The following COLEC11 variants were observed in gnomAD, a reference collection of about 807,000 sequenced individuals.
COLEC11 encodes collectin subfamily member 11.
Under a neutral mutation model 27.3 loss-of-function variants are expected in COLEC11, and 20 were observed. The ratio of observed to expected loss-of-function variants is 0.73; its 90% CI spans 0.51 to 1.06. COLEC11 has a LOEUF of 1.06. COLEC11 is among the 50% of genes least tolerant of loss of function. The pLI is 0.00. For missense variants in COLEC11, 310 were observed against 383.0 expected, an observed-to-expected ratio of 0.81 and a Z score of 1.59; for synonymous variants, 163 against 154.7, an observed-to-expected ratio of 1.05 and a Z score of -0.40.
Position 3,641,526 on chromosome 2 carries a change from GAGGAA to G in COLEC11, c.328+1201_328+1205del, listed in dbSNP as rs1198786563. 3.3e-6 allele frequency: 3 copies of G among 902,478 alleles called. No individual in the cohort carries two copies. In the African/African-American group the frequency reaches 5.3e-5, roughly 16 times the overall value. The allele number at this position is 902,478 out of a possible 1,614,324, so 55.9% of individuals were successfully genotyped here. On this transcript the variant is annotated intron_variant, in intron 5 of 6. Transcript: ENST00000349077. ...CTTGGTCAGAGTTTGGAGGTTAAAT[GAGGAA>G]AGGAATCCATCCACTTCCCCTGACA...
chr2:3,622,420 T>C (rs976449900), intron 3 of COLEC11, among the ~76,000 whole-genome samples: 9 of 152,218 alleles, frequency 5.9e-5, no homozygotes, highest in African/African-American at 2.2e-4. Context: ...TATATATGAT[T>C]TACACATAAC....
At chr2:3,607,312 GA>G (rs955710193) in intron 2 of COLEC11, among the ~76,000 whole-genome samples, 2 of 151,926 alleles carry the variant, frequency 1.3e-5, no homozygotes, top group Non-Finnish European at 2.9e-5. Context: ...CTTTTAATGG[GA>G]AAAAAGTCTT....
chr2:3,604,463 C>T lies in COLEC11; in HGVS notation c.123C>T (p.Gly41=), dbSNP rs2147855186. The change falls in exon 2 of 7, where the codon GGC becomes GGT. Residue 41 remains glycine, a synonymous_variant. Transcript: ENST00000349077. ...DACSVQILVP[G]LKGDAGEKGD... is the part of the protein sequence containing the mutation. Reference sequence around the variant, plus strand: ...GCTCTGTGCAGATCCTCGTCCCTGGCCTCAAAGGTAACCGCTCCCTGGACT... The same window carrying T: ...GCTCTGTGCAGATCCTCGTCCCTGGTCTCAAAGGTAACCGCTCCCTGGACT... 1 of 1,614,096 alleles carries T rather than the reference C, an allele frequency of 6.2e-7. No homozygotes were observed. The highest frequency in any genetic ancestry group is 8.5e-7 in the Non-Finnish European group (1 of 1,180,032).
At chr2:3,605,931 G>C in intron 2 of COLEC11, 1 of 845,430 alleles carries the variant, frequency 1.2e-6, no homozygotes, top group South Asian at 1.7e-5. Flanking sequence ...CAAGTGGACT[G>C]TCCTGCAGCC....
chr2:3,607,449 C>CTTTTTTTTTTTTTTTTTTT (rs377560723), intron 2 of COLEC11, among the ~76,000 whole-genome samples: 1 of 109,182 alleles, frequency 9.2e-6, no homozygotes. Flanking sequence ...TTTTTTTTTG[C>CTTTTTTTTTTTTTTTTTTT]TTTTTTTTTT....
chr2:3,607,708 C>T (rs1431768715), intron 2 of COLEC11, among the ~76,000 whole-genome samples: 3 of 152,176 alleles, frequency 2.0e-5, no homozygotes, highest in Non-Finnish European at 4.4e-5. Context: ...TTTGGCTTCC[C>T]AAAGTGCTGG....
intron 3 of COLEC11, among the ~76,000 whole-genome samples, chr2:3,627,317 TGAC>T (rs1455986589): frequency 9.1e-6 from 1 of 110,200 alleles, no homozygotes; most frequent in Non-Finnish European, 1.8e-5. Flanking sequence ...GGGGGCATGA[TGAC>T]GGGGGGCATG....
rs1234912102 is a variant in COLEC11, at chr2:3,602,426, G to C, written c.-26-1889G>C. Among the ~76,000 whole-genome samples, 4 of 152,146 alleles carry C rather than the reference G, an allele frequency of 2.6e-5. No individual in the cohort carries two copies. In the South Asian group the frequency reaches 8.3e-4, roughly 32 times the overall value. On this transcript the variant is annotated intron_variant, in intron 1 of 6. Coordinates refer to ENST00000349077, the MANE Select transcript of COLEC11 (RefSeq NM_024027.5). The surrounding 1 kb of genome is among the most constrained non-coding windows in gnomAD (Gnocchi z 6.2). ...GTTCACCTGGCTGCTCAGAACAAAA[G>C]CTTTAATCTTTGATTTCTCTCTGTC...
chr2:3,608,190 A>G (rs1381255648), intron 2 of COLEC11, among the ~76,000 whole-genome samples: 1 of 152,222 alleles, frequency 6.6e-6, no homozygotes, highest in African/African-American at 2.4e-5. Context: ...AGATTTGTAC[A>G]TGATTTGCAG....
At position 3,603,008 on chromosome 2, in the gene COLEC11, C is replaced by T. The variant is rs938430267; in HGVS notation, c.-26-1307C>T. On this transcript the variant is annotated intron_variant, in intron 1 of 6. Coordinates refer to ENST00000349077, the MANE Select transcript of COLEC11 (RefSeq NM_024027.5). ...TCTACTCCTGGTGCCTAGAGCTGTG[C>T]CTGACATTTGGTCGGCATCCACAAA... Among the ~76,000 whole-genome samples the T allele has an allele frequency of 8.5e-5, 13 of 152,358 alleles. No individual in the cohort carries two copies. The East Asian group carries it at 2.5e-3, about 29-fold the overall frequency.
At chr2:3,610,317 T>C (rs552353741) in intron 2 of COLEC11, among the ~76,000 whole-genome samples, 14 of 152,284 alleles carry the variant, frequency 9.2e-5, no homozygotes, top group African/African-American at 3.4e-4. Flanking sequence ...TCTTAAGCAG[T>C]ATGAGAAGAG....
At chr2:3,633,615 C>T (rs1034582234) in intron 3 of COLEC11, among the ~76,000 whole-genome samples, 1 of 152,082 alleles carries the variant, frequency 6.6e-6, no homozygotes, top group Non-Finnish European at 1.5e-5. Context: ...GGGGACAGAG[C>T]GGGGACCACA....
intron 3 of COLEC11, among the ~76,000 whole-genome samples, chr2:3,614,095 A>G (rs533775245): frequency 6.6e-6 from 1 of 150,610 alleles, no homozygotes; most frequent in African/African-American, 2.4e-5. Context: ...TCCTGCCTCA[A>G]CCTGTTGAGT....
At chr2:3,627,120 A>G (rs949072072) in intron 3 of COLEC11, among the ~76,000 whole-genome samples, 1 of 152,082 alleles carries the variant, frequency 6.6e-6, no homozygotes, top group African/African-American at 2.4e-5. Context: ...CCATGGCATT[A>G]TGCTGTGGAG....
rs778015880 is a variant in COLEC11, at chr2:3,643,990, A to G, written c.688A>G (p.Ser230Gly). The G allele has an allele frequency of 6.8e-6, 11 of 1,614,028 alleles. No homozygotes were observed. Among genetic ancestry groups the G allele is most frequent in the African/African-American group, 1.3e-5 (1 of 74,958 alleles). The change falls in exon 7 of 7, where the codon AGC becomes GGC. Residue 230 changes from serine to glycine, a missense_variant. Physicochemically the swap from Ser to Gly is moderately conservative, Grantham distance 56. Coordinates refer to ENST00000349077, the MANE Select transcript of COLEC11 (RefSeq NM_024027.5). ...CATGCGGACCTTCAACAAGTGGCGC[A>G]GCGGTGAGCCCAACAATGCCTACGA... ...SPMRTFNKWRSGEPNNAYDEE... is the reference protein window; with the variant it reads ...SPMRTFNKWRGGEPNNAYDEE...
rs73910598 is a variant in COLEC11, at chr2:3,602,662, G to C, written c.-26-1653G>C. Among the ~76,000 whole-genome samples, 28,933 of 152,046 alleles carry C rather than the reference G, an allele frequency of 0.19. 3,250 individuals carry two copies. The highest frequency in any genetic ancestry group is 0.29 in the African/African-American group (12,087 of 41,436). ...GGGAGACCCTTTTGTAAAGCCGCTCGCTGATCCAGACCCTCTGTCTCATAC... is the reference window on the plus strand; with the variant it reads ...GGGAGACCCTTTTGTAAAGCCGCTCCCTGATCCAGACCCTCTGTCTCATAC... On this transcript the variant is annotated intron_variant, in intron 1 of 6. Coordinates refer to ENST00000349077, the MANE Select transcript of COLEC11 (RefSeq NM_024027.5). This position sits in a 1 kb window ranked among gnomAD's most constrained non-coding sequence, Gnocchi z 6.2.
chr2:3,633,805 C>T (rs1328627860), intron 3 of COLEC11, among the ~76,000 whole-genome samples: 3 of 152,090 alleles, frequency 2.0e-5, no homozygotes, highest in Non-Finnish European at 4.4e-5. Flanking sequence ...CCCGACCTTC[C>T]TCCTCATGGT....
At chr2:3,610,609 T>C (rs956550003) in intron 2 of COLEC11, among the ~76,000 whole-genome samples, 40 of 152,310 alleles carry the variant, frequency 2.6e-4, no homozygotes, top group African/African-American at 9.6e-4. Flanking sequence ...GTCCCTGGGC[T>C]GCCTACTGCC....
At chr2:3,608,088 T>C (rs1662879651) in intron 2 of COLEC11, among the ~76,000 whole-genome samples, 1 of 152,238 alleles carries the variant, frequency 6.6e-6, no homozygotes, top group Non-Finnish European at 1.5e-5. Flanking sequence ...TGTCGAAGTA[T>C]CTTAGGTTCT....
Sources: gnomAD v4.1 joint callset for allele counts (sites outside exome capture counted in the v4.1 genomes callset) on GRCh38, gnomAD v4.1.1 for gene constraint, Gnocchi (gnomAD v3.1) non-coding constraint, MANE v1.5 for transcripts, NCBI Gene and HGNC (gene_info 2026-07-23, HGNC 2026-07-21) for gene names.